NFIB: variants seen among roughly 807,000 people sequenced by gnomAD.
NFIB encodes the protein nuclear factor I B.
In NFIB, 11 loss-of-function variants were observed where a neutral mutation model predicts 61.5. That is an observed-to-expected ratio of 0.18 (90% CI 0.11 to 0.30). The LOEUF is 0.30. Ranked by LOEUF, NFIB falls within the 10% of genes least tolerant of loss-of-function variation. The probability of loss-of-function intolerance (pLI) is 1.00; values close to 1 mark genes in which losing one functional copy is unlikely to be tolerated. For missense variants in NFIB, 471 were observed against 608.9 expected (o/e 0.77, Z 2.38); for synonymous variants, 260 against 216.5 (o/e 1.20, Z -1.76).
intron 3 of NFIB, among the ~76,000 whole-genome samples, chr9:14,161,428 T>C (rs2044190733): frequency 6.6e-6 from 1 of 152,078 alleles, no homozygotes; most frequent in South Asian, 2.1e-4. Flanking sequence ...AGTCAGAAAT[T>C]TCCCAACTTT....
chr9:14,417,037 T>G, the NFIB span, among the ~76,000 whole-genome samples: 1 of 151,422 alleles, frequency 6.6e-6, no homozygotes, highest in African/African-American at 2.4e-5. Flanking sequence ...GGATTACATG[T>G]GTGTGTCACC....
chr9:14,293,582 T>C (rs1834851726), intron 2 of NFIB, among the ~76,000 whole-genome samples: 1 of 152,220 alleles, frequency 6.6e-6, no homozygotes, highest in African/African-American at 2.4e-5. Flanking sequence ...ATGATGATGC[T>C]TTCTGAACAT....
chr9:14,442,919 G>A, the NFIB span, among the ~76,000 whole-genome samples: 3 of 152,032 alleles, frequency 2.0e-5, no homozygotes, highest in South Asian at 2.1e-4. Context: ...TGCAGTCTGC[G>A]GAAGGCTATT....
In NFIB at chr9:14,313,466, C is replaced by T. The variant is rs779755493; in HGVS notation, c.30+16G>A. 3.2e-5 allele frequency: 52 copies of T among 1,613,282 alleles called. No homozygotes were observed. Among genetic ancestry groups the T allele is most frequent in the African/African-American group, 4.0e-5 (3 of 74,870 alleles). On this transcript the variant is annotated intron_variant, in intron 1 of 10. Coordinates refer to ENST00000380953, the MANE Select transcript of NFIB (RefSeq NM_001190737.2). The surrounding 1 kb of genome is among the most constrained non-coding windows in gnomAD (Gnocchi z 4.5). ...GGGCCAGAGAGAAAGCTCGAGAAAG[C>T]GACCGAGACATGTACCTGAGTGAGA...
intron 1 of NFIB, among the ~76,000 whole-genome samples, chr9:14,340,798 T>A (rs966946627): frequency 6.6e-6 from 1 of 152,166 alleles, no homozygotes; most frequent in Non-Finnish European, 1.5e-5. Context: ...TAGGCAGTTG[T>A]GCCAACTTAA....
At chr9:14,143,119 T>C (rs949898697) in intron 6 of NFIB, among the ~76,000 whole-genome samples, 11 of 152,150 alleles carry the variant, frequency 7.2e-5, no homozygotes, top group Non-Finnish European at 1.5e-4. Flanking sequence ...AATATTCATG[T>C]CTATATTTGC....
intron 2 of NFIB, among the ~76,000 whole-genome samples, chr9:14,232,644 G>A (rs186846812): frequency 2.9e-3 from 435 of 152,254 alleles, no homozygotes; most frequent in Non-Finnish European, 4.5e-3. Flanking sequence ...AAGGATCAGC[G>A]TCAGTGTTAA....
chr9:14,232,054 T>G (rs895187230), intron 2 of NFIB, among the ~76,000 whole-genome samples: 3 of 152,286 alleles, frequency 2.0e-5, no homozygotes, highest in Admixed American at 6.5e-5. Context: ...CTCTTATCAG[T>G]ATGGAACAGT....
chr9:14,211,126 T>G (rs534999196), intron 2 of NFIB, among the ~76,000 whole-genome samples: 1 of 152,198 alleles, frequency 6.6e-6, no homozygotes, highest in Admixed American at 6.5e-5. Context: ...TGGAAAAACT[T>G]GCGGTAAAAT....
intron 3 of NFIB, among the ~76,000 whole-genome samples, chr9:14,171,000 T>TTG (rs1469498220): frequency 6.6e-6 from 1 of 152,168 alleles, no homozygotes; most frequent in African/African-American, 2.4e-5. Context: ...TAAAATACCG[T>TTG]TGTAAAGTTA....
At chr9:14,344,690 G>A (rs1269109206) in intron 1 of NFIB, among the ~76,000 whole-genome samples, 1 of 151,888 alleles carries the variant, frequency 6.6e-6, no homozygotes, top group East Asian at 1.9e-4. Context: ...AAGAATAAAC[G>A]GGTCGATTTC....
chr9:14,169,534 G>C (rs1439009233), intron 3 of NFIB, among the ~76,000 whole-genome samples: 1 of 152,058 alleles, frequency 6.6e-6, no homozygotes, highest in East Asian at 1.9e-4. Context: ...AAGCTAATAA[G>C]AGTCAGCTGG....
At chr9:14,239,299 T>G (rs890733882) in intron 2 of NFIB, among the ~76,000 whole-genome samples, 5 of 152,214 alleles carry the variant, frequency 3.3e-5, no homozygotes, top group Admixed American at 6.5e-5. Context: ...TGTAAAAAGC[T>G]TCCATAATTT....
the NFIB span, among the ~76,000 whole-genome samples, chr9:14,522,184 T>C: frequency 6.6e-6 from 1 of 152,302 alleles, no homozygotes; most frequent in African/African-American, 2.4e-5. Context: ...TGCGATGAAG[T>C]CAAAGGTTTA....
At chr9:14,250,435 A>C (rs2055465673) in intron 2 of NFIB, among the ~76,000 whole-genome samples, 1 of 152,202 alleles carries the variant, frequency 6.6e-6, no homozygotes, top group Admixed American at 6.5e-5. Flanking sequence ...CTCAAAAGGA[A>C]GACAGATTTC....
chr9:14,332,387 G>C (rs1308445886), intron 1 of NFIB, among the ~76,000 whole-genome samples: 1 of 149,752 alleles, frequency 6.7e-6, no homozygotes, highest in African/African-American at 2.5e-5. Context: ...CTGATGCCAA[G>C]AGAGATGGAT....
At position 14,294,242 on chromosome 9, in the gene NFIB, G is replaced by A. The variant is rs548263568; in HGVS notation, c.562+12747C>T. Among the ~76,000 whole-genome samples the A allele has an allele frequency of 5.9e-5, 9 of 152,208 alleles. No homozygotes were observed. In the South Asian group the frequency reaches 1.9e-3, roughly 32 times the overall value. On this transcript the variant is annotated intron_variant, in intron 2 of 10. Transcript: ENST00000380953. ...TTCCCTTATTTGGAGACTGTAAATA[G>A]AACAGAAATTGTTACATGATAACTA...
intron 2 of NFIB, among the ~76,000 whole-genome samples, chr9:14,298,197 G>T (rs184019928): frequency 2.7e-4 from 41 of 152,032 alleles, no homozygotes; most frequent in Non-Finnish European, 5.1e-4. Flanking sequence ...AAAAAATGTT[G>T]GTTTTACCCT....
intron 1 of NFIB, among the ~76,000 whole-genome samples, chr9:14,322,558 T>C (rs934263261): frequency 6.6e-6 from 1 of 151,996 alleles, no homozygotes; most frequent in Non-Finnish European, 1.5e-5. Flanking sequence ...CCTGGCTTTC[T>C]CTTTCTCCGG....
Sources: gnomAD v4.1 joint callset for allele counts (sites outside exome capture counted in the v4.1 genomes callset) on GRCh38, gnomAD v4.1.1 for gene constraint, Gnocchi (gnomAD v3.1) non-coding constraint, MANE v1.5 for transcripts, NCBI Gene and HGNC (gene_info 2026-07-23, HGNC 2026-07-21) for gene names.